The following SEC23A variants were observed in gnomAD, a reference collection of about 807,000 sequenced individuals.
SEC23A encodes the protein protein transport protein Sec23A.
Under a neutral mutation model 103.7 loss-of-function variants are expected in SEC23A, and 56 were observed. The observed-to-expected ratio is 0.54, with a 90% CI of 0.44 to 0.67. The LOEUF (loss-of-function observed/expected upper bound fraction) is 0.67. SEC23A is among the 30% of genes least tolerant of loss of function. The probability of loss-of-function intolerance (pLI) is 0.00; values close to 1 mark genes in which losing one functional copy is unlikely to be tolerated. For missense variants in SEC23A, 784 were observed against 936.4 expected, an observed-to-expected ratio of 0.84 and a Z score of 2.12; for synonymous variants, 281 against 293.0, an observed-to-expected ratio of 0.96 and a Z score of 0.42.
At chr14:39,070,313 C>A (rs1021603299) in intron 9 of SEC23A, among the ~76,000 whole-genome samples, 2 of 152,018 alleles carry the variant, frequency 1.3e-5, no homozygotes, top group Admixed American at 6.6e-5. Flanking sequence ...GATTTTTAAG[C>A]CTAATTAAAT....
At chr14:39,048,440 A>C in intron 15 of SEC23A, among the ~76,000 whole-genome samples, 1 of 148,474 alleles carries the variant, frequency 6.7e-6, no homozygotes. Flanking sequence ...ATAGCAGGAA[A>C]CCATCCCTAC....
intron 9 of SEC23A, among the ~76,000 whole-genome samples, chr14:39,071,607 G>A (rs1441744700): frequency 6.6e-6 from 1 of 152,106 alleles, no homozygotes; most frequent in Non-Finnish European, 1.5e-5. Context: ...GCTCAGGCCT[G>A]TAATCCTAGC....
chr14:39,098,415 C>T (rs1389329258), intron 1 of SEC23A, among the ~76,000 whole-genome samples: 1 of 152,088 alleles, frequency 6.6e-6, no homozygotes, highest in African/African-American at 2.4e-5. Flanking sequence ...GTGTTTACTA[C>T]TTAATTGCTC....
intron 18 of SEC23A, chr14:39,040,103 A>C (rs1249424290): frequency 6.6e-6 from 1 of 152,288 alleles, no homozygotes; most frequent in Non-Finnish European, 1.5e-5. Context: ...TAATTAATTT[A>C]TTATAACTCT....
At chr14:39,060,984 GT>G (rs1455527097) in intron 13 of SEC23A, among the ~76,000 whole-genome samples, 1 of 152,188 alleles carries the variant, frequency 6.6e-6, no homozygotes, top group Non-Finnish European at 1.5e-5. Flanking sequence ...TAGTCAAAGT[GT>G]GGTATGTGAA....
chr14:39,059,124 T>C (rs767451617), intron 13 of SEC23A, among the ~76,000 whole-genome samples: 3 of 152,032 alleles, frequency 2.0e-5, no homozygotes, highest in Non-Finnish European at 4.4e-5. Context: ...TTCACTGTGA[T>C]TCTTACAACT....
intron 1 of SEC23A, among the ~76,000 whole-genome samples, chr14:39,098,421 T>G (rs148470099): frequency 6.6e-6 from 1 of 152,264 alleles, no homozygotes; most frequent in African/African-American, 2.4e-5. Context: ...ACTACTTAAT[T>G]GCTCCTATAA....
chr14:39,071,375 C>G (rs1282828411), intron 9 of SEC23A, among the ~76,000 whole-genome samples: 1 of 152,012 alleles, frequency 6.6e-6, no homozygotes, highest in Non-Finnish European at 1.5e-5. Context: ...CCAAGACGGG[C>G]AGATAACTTG....
intron 17 of SEC23A, chr14:39,041,440 G>A (rs1594435124): frequency 3.3e-5 from 2 of 61,264 alleles, no homozygotes; most frequent in East Asian, 6.1e-4. Flanking sequence ...AAAAAGCCCT[G>A]TCAGTATTAC....
At position 39,096,040 on chromosome 14, in the gene SEC23A, T is replaced by C; in HGVS notation, c.79A>G (p.Ser27Gly). ...VRFSWNVWPS[S>G]RLEATRMVVP... ...ACCATTCTTGTAGCTTCCAGTCGAC[T>C]TGATGGCCAAACATTCCAACTAAAT... is the stretch of plus-strand genomic sequence containing the variant. The change falls in exon 2 of 20, where the codon AGT (serine) becomes GGT (glycine). Residue 27 changes from serine (S) to glycine (G), a missense_variant. By Grantham distance (56) the Ser-to-Gly change is moderately conservative (BLOSUM62 0). This residue lies in a region of SEC23A where 683 missense variants were observed against 774.2 expected (regional missense o/e 0.88). Coordinates refer to ENST00000307712, the MANE Select transcript of SEC23A (RefSeq NM_006364.4). 1.2e-6 allele frequency: 2 copies of C among 1,614,204 alleles called. No individual in the cohort carries two copies. Among genetic ancestry groups the C allele is most frequent in the Non-Finnish European group, 1.7e-6 (2 of 1,180,016 alleles).
chr14:39,063,273 T>C lies in SEC23A; in HGVS notation c.1398+51A>G, dbSNP rs777818068. On this transcript the variant is annotated intron_variant, in intron 12 of 19. Transcript: ENST00000307712. ...ACTATTCATGGCCTAAAGTAAGTAC[T>C]TATTCAAATGTACGTTGTACGTTTT... The C allele has an allele frequency of 3.7e-6, 4 of 1,071,402 alleles. No homozygotes were observed. In the South Asian group the frequency reaches 5.0e-5, roughly 13 times the overall value. 66.4% of individuals were successfully genotyped at this position (1,071,402 alleles called of 1,614,324 possible). A position where few individuals can be genotyped will look rare whatever the true frequency, so the allele number is the denominator to read the frequency against.
chr14:39,045,692 C>T (rs914535517), intron 15 of SEC23A, among the ~76,000 whole-genome samples: 2 of 152,018 alleles, frequency 1.3e-5, no homozygotes, highest in Non-Finnish European at 2.9e-5. Context: ...AGGAAAAAAA[C>T]AAAAAGACAA....
chr14:39,050,417 A>G (rs574049820), intron 14 of SEC23A, among the ~76,000 whole-genome samples: 121 of 152,340 alleles, frequency 7.9e-4, no homozygotes, highest in African/African-American at 2.8e-3. Flanking sequence ...GGTATCTGTA[A>G]AAACAGTAAA....
intron 17 of SEC23A, among the ~76,000 whole-genome samples, chr14:39,042,250 A>G (rs1476282459): frequency 6.6e-6 from 1 of 152,254 alleles, no homozygotes; most frequent in Non-Finnish European, 1.5e-5. Flanking sequence ...TGGCTGAATG[A>G]GTAACTGCAG....
intron 16 of SEC23A, among the ~76,000 whole-genome samples, chr14:39,043,385 G>C (rs529386589): frequency 3.4e-4 from 51 of 152,230 alleles, no homozygotes; most frequent in African/African-American, 1.2e-3. Context: ...ATCCCTTTAA[G>C]CTGAGGTAAC....
chr14:39,040,413 A>G (rs568490357), intron 18 of SEC23A: 117 of 308,692 alleles, frequency 3.8e-4, no homozygotes, highest in African/African-American at 2.1e-3. Flanking sequence ...TAAGAAAAGT[A>G]TATTACTTTC....
intron 5 of SEC23A, among the ~76,000 whole-genome samples, chr14:39,090,224 T>A (rs1428748325): frequency 6.6e-6 from 1 of 152,200 alleles, no homozygotes; most frequent in Non-Finnish European, 1.5e-5. Context: ...TATGCCAGGC[T>A]TATCTATCAT....
chr14:39,080,634 G>C (rs1005265592), intron 7 of SEC23A, among the ~76,000 whole-genome samples: 6 of 152,274 alleles, frequency 3.9e-5, no homozygotes, highest in Admixed American at 3.9e-4. Flanking sequence ...TCGAACTCCT[G>C]ACTTCAGGTA....
At chr14:39,097,094 T>C (rs1245250221) in intron 1 of SEC23A, among the ~76,000 whole-genome samples, 2 of 152,192 alleles carry the variant, frequency 1.3e-5, no homozygotes, top group East Asian at 3.8e-4. Context: ...ATGAGAGCAT[T>C]TTAAACTCCA....
Sources: allele counts gnomAD v4.1 joint callset (sites outside exome capture counted in the v4.1 genomes callset), GRCh38; gene constraint gnomAD v4.1.1; regional missense constraint gnomAD v4.1.1; transcripts MANE v1.5; gene names NCBI Gene and HGNC (gene_info 2026-07-23, HGNC 2026-07-21).